The following AKR1C8 variants were observed in gnomAD, a reference collection of about 807,000 sequenced individuals.
AKR1C8 encodes aldo-keto reductase family 1 member C8, also known as aldo-keto reductase family 1 member C-like protein 1.
At chr10:5,135,542 TTATCTATCTATCTATCATCTATCATC>T in the AKR1C8 span, among the ~76,000 whole-genome samples, 62 of 152,002 alleles carry the variant, frequency 4.1e-4, no homozygotes, top group South Asian at 5.4e-3. Context: ...TGGCTATCTA[TTATCTATCTATCTATCATCTATCATC>T]TATCTATCTA....
chr10:5,148,909 C>T, the AKR1C8 span, among the ~76,000 whole-genome samples: 12 of 151,614 alleles, frequency 7.9e-5, no homozygotes, highest in Non-Finnish European at 1.2e-4. Flanking sequence ...TGAAGTCTTG[C>T]GTCCTGTGGA....
the AKR1C8 span, among the ~76,000 whole-genome samples, chr10:5,116,364 G>A: frequency 1.3e-5 from 2 of 152,128 alleles, no homozygotes; most frequent in Admixed American, 6.5e-5. Flanking sequence ...TAGGCCAGCA[G>A]AAGGTGAAGT....
the AKR1C8 span, chr10:5,161,807 A>T: frequency 3.7e-6 from 2 of 534,768 alleles, no homozygotes; most frequent in South Asian, 2.8e-5. Flanking sequence ...AGATGCTTAT[A>T]ACCATGATGA....
At chr10:5,115,997 C>T in the AKR1C8 span, among the ~76,000 whole-genome samples, 1 of 152,132 alleles carries the variant, frequency 6.6e-6, no homozygotes, top group Admixed American at 6.5e-5. Flanking sequence ...AGCACCTCAG[C>T]AGGTCATGTT....
chr10:5,130,490 C>T, the AKR1C8 span, among the ~76,000 whole-genome samples: 15 of 151,830 alleles, frequency 9.9e-5, no homozygotes, highest in African/African-American at 3.4e-4. Flanking sequence ...TAAAGTATTG[C>T]TGTTTGCCAA....
chr10:5,170,001 T>G, the AKR1C8 span, among the ~76,000 whole-genome samples: 1 of 152,038 alleles, frequency 6.6e-6, no homozygotes, highest in Non-Finnish European at 1.5e-5. Flanking sequence ...GTGTGATGTA[T>G]TTAGGAGTTG....
At chr10:5,120,618 A>AAC in the AKR1C8 span, among the ~76,000 whole-genome samples, 5 of 152,118 alleles carry the variant, frequency 3.3e-5, no homozygotes, top group African/African-American at 7.2e-5. Flanking sequence ...GACAAGTCTA[A>AAC]ACACTCTCAT....
chr10:5,149,357 C>G, the AKR1C8 span, among the ~76,000 whole-genome samples: 1 of 151,990 alleles, frequency 6.6e-6, no homozygotes, highest in Non-Finnish European at 1.5e-5. Flanking sequence ...TATTCTTGGC[C>G]TGATTATTTG....
At chr10:5,170,145 G>A in the AKR1C8 span, among the ~76,000 whole-genome samples, 20 of 152,018 alleles carry the variant, frequency 1.3e-4, no homozygotes, top group Non-Finnish European at 7.4e-5. Context: ...TGTGATGGTC[G>A]GGGGACTCAG....
chr10:5,156,525 G>GATCTATCTATCTATCTATCTATCT, the AKR1C8 span, among the ~76,000 whole-genome samples: 2,108 of 141,030 alleles, frequency 0.015, 24 homozygotes, highest in Admixed American at 0.02. Context: ...GAAAGACTCA[G>GATCTATCTATCTATCTATCTATCT]ATCTATCTAT....
chr10:5,121,412 G>A, the AKR1C8 span, among the ~76,000 whole-genome samples: 1 of 152,174 alleles, frequency 6.6e-6, no homozygotes. Flanking sequence ...AGCACTGAGG[G>A]TCTATTAATT....
chr10:5,134,230 A>G, the AKR1C8 span, among the ~76,000 whole-genome samples: 25 of 152,250 alleles, frequency 1.6e-4, 1 homozygote, highest in Admixed American at 1.3e-3. Context: ...TAAAGCTTCC[A>G]TGTTGTGCTT....
the AKR1C8 span, among the ~76,000 whole-genome samples, chr10:5,169,369 G>C: frequency 1.3e-5 from 2 of 152,166 alleles, no homozygotes; most frequent in South Asian, 2.1e-4. Flanking sequence ...CTTGGTGTTG[G>C]ATTGATTGCA....
the AKR1C8 span, among the ~76,000 whole-genome samples, chr10:5,168,373 C>A: frequency 3.9e-5 from 6 of 152,032 alleles, 1 homozygote; most frequent in Admixed American, 2.6e-4. Context: ...TTTTCCAGAG[C>A]CTCTCTTGTC....
At chr10:5,156,203 A>G in the AKR1C8 span, among the ~76,000 whole-genome samples, 2 of 152,150 alleles carry the variant, frequency 1.3e-5, no homozygotes, top group African/African-American at 4.8e-5. Flanking sequence ...CTCCCACTCA[A>G]GAATCTGTTT....
At chr10:5,128,522 CCT>C in the AKR1C8 span, among the ~76,000 whole-genome samples, 1 of 151,912 alleles carries the variant, frequency 6.6e-6, no homozygotes, top group South Asian at 2.1e-4. Flanking sequence ...AAACCAAATA[CCT>C]GCTATCTTCA....
the AKR1C8 span, among the ~76,000 whole-genome samples, chr10:5,136,253 A>C: frequency 2.0e-5 from 3 of 152,122 alleles, no homozygotes; most frequent in Non-Finnish European, 2.9e-5. Context: ...GGCAAATTTG[A>C]ATGTAATGAT....
chr10:5,149,349 T>C, the AKR1C8 span, among the ~76,000 whole-genome samples: 1 of 152,134 alleles, frequency 6.6e-6, no homozygotes, highest in Non-Finnish European at 1.5e-5. Context: ...AGTCTTATTA[T>C]TCTTGGCCTG....
chr10:5,121,482 T>C, the AKR1C8 span, among the ~76,000 whole-genome samples: 58,313 of 151,804 alleles, frequency 0.38, 11,971 homozygotes, highest in Non-Finnish European at 0.43. Context: ...ATGAGAGTTG[T>C]GACAGGCGAA....
Sources: allele counts gnomAD v4.1 joint callset (sites outside exome capture counted in the v4.1 genomes callset), GRCh38; gene constraint gnomAD v4.1.1; transcripts MANE v1.5; gene names NCBI Gene and HGNC (gene_info 2026-07-23, HGNC 2026-07-21).